RORA: variants seen among roughly 807,000 people sequenced by gnomAD.
The protein encoded by RORA is nuclear receptor ROR-alpha.
In RORA, 7 loss-of-function variants were observed where a neutral mutation model predicts 69.5. That is an observed-to-expected ratio of 0.10 (90% CI 0.06 to 0.19). The LOEUF (loss-of-function observed/expected upper bound fraction) is 0.19. Ranked by LOEUF, RORA falls within the 10% of genes least tolerant of loss-of-function variation. The pLI, the probability that RORA is intolerant of heterozygous loss-of-function variation, is 1.00. For missense variants in RORA, 457 were observed against 663.0 expected (o/e 0.69, Z 3.41); for synonymous variants, 261 against 240.8 (o/e 1.08, Z -0.78).
chr15:61,154,484 C>A lies in RORA; in HGVS notation c.166+74569G>T, dbSNP rs372263423. Among the ~76,000 whole-genome samples the A allele has an allele frequency of 1.1e-3, 172 of 152,232 alleles. No individual in the cohort carries two copies. The South Asian group carries it at 0.017, about 15-fold the overall frequency. On this transcript the variant is annotated intron_variant, in intron 1 of 10. Coordinates refer to ENST00000335670, the MANE Select transcript of RORA (RefSeq NM_134261.3). ...CCAACTGAGCTTCCGGGCAAGAGAT[C>A]CTTGGAAAAATCTCTGTAGTGGAAA... is the stretch of plus-strand genomic sequence containing the variant.
At chr15:61,167,879 C>A (rs2140889991) in intron 1 of RORA, among the ~76,000 whole-genome samples, 1 of 152,300 alleles carries the variant, frequency 6.6e-6, no homozygotes, top group South Asian at 2.1e-4. Context: ...CACTTCAATG[C>A]ATGTTTCCTG....
intron 2 of RORA, among the ~76,000 whole-genome samples, chr15:60,647,120 T>C (rs1369151421): frequency 6.6e-6 from 1 of 152,210 alleles, no homozygotes. Context: ...TTCGAGTACA[T>C]TCTGTGGCCC....
intron 1 of RORA, among the ~76,000 whole-genome samples, chr15:60,974,356 T>A (rs894767800): frequency 1.7e-4 from 26 of 152,200 alleles, no homozygotes; most frequent in Non-Finnish European, 1.0e-4. Context: ...CCTTGCCAGC[T>A]CATTTCAGTT....
At chr15:60,622,486 C>A (rs977271181) in intron 2 of RORA, among the ~76,000 whole-genome samples, 1 of 151,722 alleles carries the variant, frequency 6.6e-6, no homozygotes, top group East Asian at 2.0e-4. Context: ...GTGATGTGTG[C>A]CTGTAGTCCC....
At chr15:60,692,840 G>C (rs558464019) in intron 1 of RORA, among the ~76,000 whole-genome samples, 1 of 152,326 alleles carries the variant, frequency 6.6e-6, no homozygotes, top group East Asian at 1.9e-4. Context: ...CCCAGGACCA[G>C]ATGGATTTAC....
At chr15:60,761,618 C>G (rs564676325) in intron 1 of RORA, among the ~76,000 whole-genome samples, 17 of 152,236 alleles carry the variant, frequency 1.1e-4, no homozygotes, top group Admixed American at 1.1e-3. Context: ...GGAGAAGTAC[C>G]TCTCCTATGG....
chr15:61,085,329 C>G (rs1304439165), intron 1 of RORA, among the ~76,000 whole-genome samples: 2 of 152,148 alleles, frequency 1.3e-5, no homozygotes, highest in East Asian at 3.9e-4. Context: ...CAGCACCTAC[C>G]CTGAGCTAGC....
At chr15:60,574,430 T>C (rs1409726430) in intron 2 of RORA, among the ~76,000 whole-genome samples, 6 of 152,242 alleles carry the variant, frequency 3.9e-5, no homozygotes. Flanking sequence ...ATGCAAGTTC[T>C]TCTTCCATCA....
intron 1 of RORA, chr15:60,706,087 C>T (rs975065395): frequency 6.6e-6 from 1 of 152,142 alleles, no homozygotes; most frequent in Non-Finnish European, 1.5e-5. Flanking sequence ...GACCTCAAAG[C>T]ACCGAATCCA....
intron 1 of RORA, among the ~76,000 whole-genome samples, chr15:60,689,893 G>A (rs959710476): frequency 7.9e-5 from 12 of 152,184 alleles, no homozygotes; most frequent in Non-Finnish European, 1.6e-4. Context: ...GAGGGAGCAA[G>A]GCTCTGCTGC....
chr15:60,797,222 C>T (rs938691672), intron 1 of RORA, among the ~76,000 whole-genome samples: 1 of 151,832 alleles, frequency 6.6e-6, no homozygotes, highest in Non-Finnish European at 1.5e-5. Context: ...TGTGATTGTC[C>T]TAAATGCTAC....
chr15:61,145,113 C>T (rs2079335104), intron 1 of RORA, among the ~76,000 whole-genome samples: 1 of 152,094 alleles, frequency 6.6e-6, no homozygotes, highest in Non-Finnish European at 1.5e-5. Context: ...CACTCAATGT[C>T]ATAAACTTAC....
At chr15:60,774,815 T>C (rs2140884624) in intron 1 of RORA, among the ~76,000 whole-genome samples, 1 of 152,344 alleles carries the variant, frequency 6.6e-6, no homozygotes, top group East Asian at 1.9e-4. Context: ...GACGAAAGCT[T>C]TCTCTTTTGT....
chr15:61,154,361 G>A (rs2079424371), intron 1 of RORA, among the ~76,000 whole-genome samples: 1 of 152,078 alleles, frequency 6.6e-6, no homozygotes, highest in African/African-American at 2.4e-5. Context: ...AGACCAAGCA[G>A]TTCACACTAA....
chr15:61,202,869 A>G (rs1443175826), intron 1 of RORA, among the ~76,000 whole-genome samples: 1 of 152,184 alleles, frequency 6.6e-6, no homozygotes, highest in East Asian at 1.9e-4. Context: ...CTGAATTTCC[A>G]CTACCCTGTG....
intron 2 of RORA, among the ~76,000 whole-genome samples, chr15:60,543,493 T>C (rs1002884898): frequency 4.6e-5 from 7 of 152,128 alleles, no homozygotes; most frequent in African/African-American, 1.7e-4. Context: ...CTTTTTTTTT[T>C]CTTTAGACAG....
chr15:60,897,561 C>T (rs1410590476), intron 1 of RORA, among the ~76,000 whole-genome samples: 2 of 152,214 alleles, frequency 1.3e-5, no homozygotes, highest in Non-Finnish European at 2.9e-5. Context: ...CTGATTTACC[C>T]TTGCTCAGGG....
At chr15:61,067,351 G>T (rs1360918188) in intron 1 of RORA, among the ~76,000 whole-genome samples, 1 of 151,758 alleles carries the variant, frequency 6.6e-6, no homozygotes, top group Non-Finnish European at 1.5e-5. Flanking sequence ...TGATCCGCCC[G>T]CCTCGGCCTC....
chr15:61,154,527 C>T (rs924398474), intron 1 of RORA, among the ~76,000 whole-genome samples: 4 of 152,338 alleles, frequency 2.6e-5, no homozygotes, highest in African/African-American at 9.6e-5. Flanking sequence ...TTCTCAGTCA[C>T]AGACAGGTCA....
Sources: allele counts gnomAD v4.1 joint callset (sites outside exome capture counted in the v4.1 genomes callset), GRCh38; gene constraint gnomAD v4.1.1; transcripts MANE v1.5; gene names NCBI Gene and HGNC (gene_info 2026-07-23, HGNC 2026-07-21).